Variants in MOXD1 observed in about 807,000 individuals in gnomAD.
MOXD1 encodes monooxygenase DBH like 1.
A neutral mutation model predicts 66.6 loss-of-function variants in MOXD1; 62 were observed. That is an observed-to-expected ratio of 0.93 (90% confidence interval 0.76 to 1.15). The LOEUF is 1.15. Among genes scored for constraint, MOXD1 ranks in the 50% most tolerant of loss-of-function variants. The pLI is 0.00. For missense variants in MOXD1, 847 were observed against 754.6 expected, an observed-to-expected ratio of 1.12 and a Z score of -1.44; for synonymous variants, 303 against 281.9, an observed-to-expected ratio of 1.07 and a Z score of -0.75.
chr6:132,373,998 A>G (rs1776322308), intron 2 of MOXD1, among the ~76,000 whole-genome samples: 1 of 152,170 alleles, frequency 6.6e-6, no homozygotes. Flanking sequence ...CCATTTTTGA[A>G]GCTTTGATTT....
intron 10 of MOXD1, among the ~76,000 whole-genome samples, chr6:132,309,935 G>A (rs1774787142): frequency 6.6e-6 from 1 of 152,142 alleles, no homozygotes; most frequent in Admixed American, 6.5e-5. Context: ...TCAGGACATA[G>A]GCATGGGCAA....
chr6:132,370,382 G>T (rs571947775), intron 4 of MOXD1, among the ~76,000 whole-genome samples: 1 of 152,102 alleles, frequency 6.6e-6, no homozygotes, highest in South Asian at 2.1e-4. Context: ...TTGAAAGGCT[G>T]CCTTAAAACC....
intron 4 of MOXD1, among the ~76,000 whole-genome samples, chr6:132,341,162 G>A (rs1775553703): frequency 6.6e-6 from 1 of 152,112 alleles, no homozygotes; most frequent in Non-Finnish European, 1.5e-5. Context: ...TAAGAGGTAG[G>A]GTCTTTAAGA....
At chr6:132,364,786 T>C (rs914286769) in intron 4 of MOXD1, among the ~76,000 whole-genome samples, 1 of 152,214 alleles carries the variant, frequency 6.6e-6, no homozygotes, top group African/African-American at 2.4e-5. Flanking sequence ...CTGCCTTCAT[T>C]TGATGACAGC....
chr6:132,335,632 T>C (rs1298704372), intron 4 of MOXD1, among the ~76,000 whole-genome samples: 1 of 152,242 alleles, frequency 6.6e-6, no homozygotes, highest in Non-Finnish European at 1.5e-5. Context: ...GCCCTGCCTA[T>C]ATCTTGATTT....
Position 132,324,112 on chromosome 6 carries a change from C to T in MOXD1, c.947-15G>A. 1.2e-6 allele frequency: 2 copies of T among 1,603,720 alleles called. No individual in the cohort carries two copies. Among genetic ancestry groups the T allele is most frequent in the Non-Finnish European group, 1.7e-6 (2 of 1,176,096 alleles). ...ATCTATTAAGCCTAGAACAAAAGCA[C>T]ATAATTAAAGTGATTTTTGGTTCTT... is the stretch of plus-strand genomic sequence containing the variant. On this transcript the variant is annotated splice_polypyrimidine_tract_variant and intron_variant, in intron 6 of 11. Coordinates refer to ENST00000367963, the MANE Select transcript of MOXD1 (RefSeq NM_015529.4).
In MOXD1 at chr6:132,386,102, C is replaced by CA. The variant is rs562046512; in HGVS notation, c.265-11326dup. Among the ~76,000 whole-genome samples the CA allele has an allele frequency of 9.4e-3, 839 of 89,036 alleles. 20 individuals carry two copies. Among genetic ancestry groups the CA allele is most frequent in the Admixed American group, 0.038 (253 of 6,640 alleles). 58.4% of individuals were successfully genotyped at this position (89,036 alleles called of 152,430 possible). Reference sequence around the variant, plus strand: ...TGGGCGACAGGGCAAGACTGCGTCTCAAAAAAAAAAAAAGAAAAGGCCAGG... The same window carrying CA: ...TGGGCGACAGGGCAAGACTGCGTCTCAAAAAAAAAAAAAAGAAAAGGCCAGG... On this transcript the variant is annotated intron_variant, in intron 1 of 11. Transcript: ENST00000367963.
chr6:132,356,157 G>A (rs1775906725), intron 4 of MOXD1, among the ~76,000 whole-genome samples: 1 of 152,182 alleles, frequency 6.6e-6, no homozygotes, highest in Non-Finnish European at 1.5e-5. Flanking sequence ...CTGGTTTCAT[G>A]AGTCAGTTCA....
intron 4 of MOXD1, among the ~76,000 whole-genome samples, chr6:132,347,670 C>T (rs911190815): frequency 2.3e-5 from 2 of 88,296 alleles, no homozygotes; most frequent in Non-Finnish European, 4.2e-5. Context: ...GAGTGTGATC[C>T]TGTCTCAAAA....
chr6:132,376,939 C>T (rs1303980974), intron 1 of MOXD1, among the ~76,000 whole-genome samples: 1 of 152,174 alleles, frequency 6.6e-6, no homozygotes, highest in Non-Finnish European at 1.5e-5. Context: ...CATCAAAGAA[C>T]AAAGAGGCTA....
At chr6:132,361,209 T>C (rs1776011509) in intron 4 of MOXD1, among the ~76,000 whole-genome samples, 1 of 152,006 alleles carries the variant, frequency 6.6e-6, no homozygotes, top group Non-Finnish European at 1.5e-5. Context: ...CACTAGAGCA[T>C]AAATCTTTTT....
chr6:132,311,332 T>G (rs1455413152), intron 10 of MOXD1, among the ~76,000 whole-genome samples: 2 of 152,100 alleles, frequency 1.3e-5, no homozygotes, highest in African/African-American at 4.8e-5. Flanking sequence ...AATTGATTTA[T>G]CTAATCAAGT....
chr6:132,340,638 A>ATTTTTTTTTTTTTTTTTTTTTTTT (rs869205496), intron 4 of MOXD1, among the ~76,000 whole-genome samples: 2 of 98,780 alleles, frequency 2.0e-5, no homozygotes, highest in African/African-American at 8.9e-5. Flanking sequence ...AACAAGACTC[A>ATTTTTTTTTTTTTTTTTTTTTTTT]TTTTTTTTTT....
chr6:132,375,252 C>A (rs1424122970), intron 1 of MOXD1, among the ~76,000 whole-genome samples: 1 of 151,992 alleles, frequency 6.6e-6, no homozygotes, highest in Non-Finnish European at 1.5e-5. Context: ...TGGGCAAGTG[C>A]GGATTATAGG....
At chr6:132,328,857 G>C (rs1167754254) in intron 4 of MOXD1, among the ~76,000 whole-genome samples, 1 of 151,912 alleles carries the variant, frequency 6.6e-6, no homozygotes, top group South Asian at 2.1e-4. Flanking sequence ...TTTTTTTTTG[G>C]TTGTTAATTC....
intron 4 of MOXD1, among the ~76,000 whole-genome samples, chr6:132,342,050 T>C (rs1775574348): frequency 6.6e-6 from 1 of 152,214 alleles, no homozygotes; most frequent in South Asian, 2.1e-4. Context: ...TTGCCCAAGC[T>C]GGAGTTCAGA....
chr6:132,388,217 A>G (rs1776690489), intron 1 of MOXD1, among the ~76,000 whole-genome samples: 1 of 151,390 alleles, frequency 6.6e-6, no homozygotes. Context: ...AGTGTGTCAC[A>G]TACTCTCCTA....
At chr6:132,322,385 T>G (rs1158980607) in intron 8 of MOXD1, among the ~76,000 whole-genome samples, 1 of 152,200 alleles carries the variant, frequency 6.6e-6, no homozygotes, top group Non-Finnish European at 1.5e-5. Context: ...GAATGTCAAG[T>G]ATAAAAAAAG....
At chr6:132,395,301 G>C (rs534239138) in intron 1 of MOXD1, among the ~76,000 whole-genome samples, 2 of 152,188 alleles carry the variant, frequency 1.3e-5, no homozygotes, top group East Asian at 3.9e-4. Context: ...GAAATGCCAA[G>C]GGAGTCCTAC....
Sources: allele counts gnomAD v4.1 joint callset (sites outside exome capture counted in the v4.1 genomes callset), GRCh38; gene constraint gnomAD v4.1.1; transcripts MANE v1.5; gene names NCBI Gene and HGNC (gene_info 2026-07-23, HGNC 2026-07-21).